AHCTF1: variants seen among roughly 807,000 people sequenced by gnomAD.
AHCTF1 encodes the protein AT-hook containing transcription factor 1.
AHCTF1 carries 24 observed loss-of-function variants against 248.4 expected under a neutral mutation model. The observed-to-expected ratio is 0.10, with a 90% confidence interval of 0.07 to 0.14. The LOEUF (loss-of-function observed/expected upper bound fraction) is 0.14, where lower values mean the gene tolerates loss of function less well. Among genes scored for constraint, AHCTF1 ranks in the 10% least tolerant of loss-of-function variants. The probability of loss-of-function intolerance (pLI) is 1.00; values close to 1 mark genes in which losing one functional copy is unlikely to be tolerated. For synonymous variants in AHCTF1, 786 were observed against 929.8 expected, an observed-to-expected ratio of 0.85 and a Z score of 2.81; for missense variants, 2,206 against 2,636.2, an observed-to-expected ratio of 0.84 and a Z score of 3.57.
intron 34 of AHCTF1, 62 bp downstream of exon 34, chr1:246,843,733 A>G: frequency 9.8e-7 from 1 of 1,025,336 alleles, no homozygotes; most frequent in South Asian, 3.4e-5. Context: ...TTTTATTAAA[A>G]CATTTGTAAA....
At position 246,876,116 on chromosome 1, in the gene AHCTF1, G is replaced by T. The variant is rs1348103003; in HGVS notation, c.3009C>A (p.Ile1003=). ...RNSILDQYGK[I]LPRVHRKLAI... The stretch of plus-strand genomic sequence containing the variant: ...CTAATTTTCGATGGACTCTAGGAAG[G>T]ATTTTTCCATACTGGTCTAATATAG... The change falls in exon 24 of 36, where the codon ATC becomes ATA. Residue 1003 remains isoleucine (I), a synonymous_variant. Coordinates refer to ENST00000648844, the MANE Select transcript of AHCTF1 (RefSeq NM_001323342.2). 3 of 1,609,384 alleles carry T rather than the reference G, an allele frequency of 1.9e-6. No homozygotes were observed. Among genetic ancestry groups the T allele is most frequent in the Non-Finnish European group, 2.5e-6 (3 of 1,178,356 alleles).
At chr1:246,860,755 C>T (rs1292013888) in intron 29 of AHCTF1, 144 bp downstream of exon 29, 8 of 1,108,710 alleles carry the variant, frequency 7.2e-6, no homozygotes, top group Non-Finnish European at 8.9e-6. Context: ...ATCCTCCAGC[C>T]TCAGCCTCCC....
At chr1:246,859,176 G>A (rs567222853) in intron 29 of AHCTF1, among the ~76,000 whole-genome samples, 43 of 152,154 alleles carry the variant, frequency 2.8e-4, no homozygotes, top group Non-Finnish European at 4.7e-4. Flanking sequence ...TAAAGATATC[G>A]TAGTCCAAAC....
chr1:246,905,644 A>G lies in AHCTF1; in HGVS notation c.778T>C (p.Leu260=), dbSNP rs1665334805. The G allele has an allele frequency of 3.1e-6, 5 of 1,608,172 alleles. No homozygotes were observed. In the East Asian group the frequency reaches 6.7e-5, roughly 22 times the overall value. The stretch of plus-strand genomic sequence containing the variant: ...TATACAGGAACTTGTCCACTTTCCA[A>G]TTGTATGTAATATCTGAAACAAATT... ...KSMKREYYIQ[L]ESGQVPVYAV... is the part of the protein sequence containing the mutation. Residue 260 remains leucine, a synonymous_variant, in exon 6 of 36, where the codon TTG becomes CTG. Transcript: ENST00000648844.
At chr1:246,863,598 C>A (rs148581930) in intron 27 of AHCTF1, among the ~76,000 whole-genome samples, 1 of 152,146 alleles carries the variant, frequency 6.6e-6, no homozygotes, top group African/African-American at 2.4e-5. Context: ...GAAGAAATAA[C>A]AGCATAATGA....
In AHCTF1 at chr1:246,913,577, C is replaced by T. The variant is rs556522084; in HGVS notation, c.376-165G>A. Among the ~76,000 whole-genome samples, 10 of 152,284 alleles carry T rather than the reference C, an allele frequency of 6.6e-5. No individual in the cohort carries two copies. In the South Asian group the frequency reaches 1.9e-3, roughly 28 times the overall value. On this transcript the variant is annotated intron_variant, in intron 3 of 35. Transcript: ENST00000648844. ...CTGAATAATGAAATCTTCAGCTATA[C>T]TAGGAATTACACCATTACTCAATAC...
rs147355371 is a variant in AHCTF1 at position 246,877,181 on chromosome 1, A to G, written c.2782T>C (p.Leu928=). 533 of 1,612,888 alleles carry G rather than the reference A, an allele frequency of 3.3e-4. 3 individuals are homozygous for G. The East Asian group carries it at 0.011, about 32-fold the overall frequency. The change falls in exon 22 of 36, where the codon TTA becomes CTA. Residue 928 remains leucine, a synonymous_variant. Transcript: ENST00000648844. ...ACCTGCTCAGTGTCTGTAAATGGTA[A>G]CTTCAGTAAATCTTCCATCAAGCCC... ...EMGLMEDLLK[L]PFTDTEQECL...
intron 1 of AHCTF1, among the ~76,000 whole-genome samples, chr1:246,924,588 C>G (rs540435586): frequency 6.6e-6 from 1 of 152,158 alleles, no homozygotes; most frequent in East Asian, 1.9e-4. Flanking sequence ...CATTCTTATT[C>G]TCTCCACATC....
rs1661513683 is a variant in AHCTF1, at chr1:246,861,132, T to C, written c.3899A>G (p.Lys1300Arg). Residue 1300 changes from lysine to arginine, a missense_variant, in exon 29 of 36, where the codon AAA (lysine) becomes AGA (arginine). Lys to Arg is a conservative substitution (Grantham distance 26). This residue lies in a region of AHCTF1 where 955 missense variants were observed against 1,055.6 expected (regional missense o/e 0.90). Coordinates refer to ENST00000648844, the MANE Select transcript of AHCTF1 (RefSeq NM_001323342.2). ...GCTGTTTCCTTTGCTCACATCCAGT[T>C]TCTCTAAACTTTGTGACCCCTCATC... ...EMDEGSQSLE[K>R]LDVSKGNSSV... The C allele has an allele frequency of 6.2e-7, 1 of 1,613,956 alleles. No homozygotes were observed. The highest frequency in any genetic ancestry group is 8.5e-7 in the Non-Finnish European group (1 of 1,180,038).
At chr1:246,881,056 C>T (rs535774762) in intron 21 of AHCTF1, among the ~76,000 whole-genome samples, 75 of 152,208 alleles carry the variant, frequency 4.9e-4, no homozygotes, top group African/African-American at 1.6e-3. Context: ...ATGAAATGCA[C>T]GGTGGAGACC....
intron 33 of AHCTF1, among the ~76,000 whole-genome samples, chr1:246,848,414 G>C (rs1001325873): frequency 9.9e-5 from 15 of 151,588 alleles, no homozygotes; most frequent in Non-Finnish European, 8.8e-5. Flanking sequence ...TGTTAGCCAG[G>C]ATGGTCTCGA....
intron 29 of AHCTF1, among the ~76,000 whole-genome samples, chr1:246,860,193 G>C (rs943576834): frequency 1.9e-4 from 29 of 151,966 alleles, no homozygotes; most frequent in East Asian, 7.8e-4. Flanking sequence ...CTGGTTGGGG[G>C]GGGGGCGGAG....
rs1413384409 is a variant in AHCTF1, at chr1:246,889,379, CTATTT to C, written c.2144+582_2144+586del. 2.6e-5 allele frequency among the ~76,000 whole-genome samples: 4 copies of C among 152,290 alleles called. No homozygotes were observed. In the South Asian group the frequency reaches 8.3e-4, roughly 32 times the overall value. On this transcript the variant is annotated intron_variant, in intron 17 of 35. Coordinates refer to ENST00000648844, the MANE Select transcript of AHCTF1 (RefSeq NM_001323342.2). ...CACTGCACTAGATGTCCTGCACATACTATTTTATTTAGCTTTATACTGACTTTATA... is the reference window on the plus strand; with the variant it reads ...CACTGCACTAGATGTCCTGCACATACTATTTAGCTTTATACTGACTTTATA...
chr1:246,867,891 A>ACAC (rs1385275742), intron 24 of AHCTF1, 80 bp from the exon 25 acceptor site: 2 of 332,064 alleles, frequency 6.0e-6, no homozygotes, highest in African/African-American at 1.5e-4. Context: ...GAATGATTAC[A>ACAC]CCCCCCCCCC....
In AHCTF1 at chr1:246,851,330, G is replaced by T. The variant is rs186771516; in HGVS notation, c.4676C>A (p.Thr1559Asn). 6.2e-7 allele frequency: 1 copy of T among 1,614,094 alleles called. No homozygotes were observed. The highest frequency in any genetic ancestry group is 1.7e-5 in the Admixed American group (1 of 60,028). The change falls in exon 33 of 36, where the codon ACT (threonine) becomes AAT (asparagine). Residue 1559 changes from threonine to asparagine, a missense_variant. By Grantham distance (65) the Thr-to-Asn change is moderately conservative (BLOSUM62 0). Transcript: ENST00000648844. Reference protein sequence around the residue: ...GTLKLQYNFDTIDQQFCDLAD... With the variant: ...GTLKLQYNFDNIDQQFCDLAD... ...TAAGTCACAAAACTGTTGGTCAATAGTATCAAAATTGTACTGAAGCTTAAG... is the reference window on the plus strand; with the variant it reads ...TAAGTCACAAAACTGTTGGTCAATATTATCAAAATTGTACTGAAGCTTAAG...
chr1:246,895,102 TTACA>T (rs1664481120), intron 13 of AHCTF1, among the ~76,000 whole-genome samples: 1 of 151,950 alleles, frequency 6.6e-6, no homozygotes, highest in African/African-American at 2.4e-5. Context: ...ATAAAAACAA[TTACA>T]TACAAACTAT....
At chr1:246,893,331 G>A (rs1664349158) in intron 14 of AHCTF1, among the ~76,000 whole-genome samples, 1 of 152,112 alleles carries the variant, frequency 6.6e-6, no homozygotes, top group African/African-American at 2.4e-5. Flanking sequence ...TCTTCCTAAC[G>A]AACTTGATTG....
intron 7 of AHCTF1, among the ~76,000 whole-genome samples, chr1:246,903,665 C>G (rs1018074712): frequency 9.3e-5 from 13 of 139,274 alleles, no homozygotes; most frequent in African/African-American, 2.7e-4. Flanking sequence ...CCCCCCCCTC[C>G]GTCTCTGCTA....
chr1:246,843,281 T>C (rs1045243185), intron 34 of AHCTF1, among the ~76,000 whole-genome samples: 1 of 152,226 alleles, frequency 6.6e-6, no homozygotes, highest in African/African-American at 2.4e-5. Context: ...TTTGAAGTAA[T>C]TGTTTTCATC....
Sources: allele counts gnomAD v4.1 joint callset (sites outside exome capture counted in the v4.1 genomes callset), GRCh38; gene constraint gnomAD v4.1.1; regional missense constraint gnomAD v4.1.1; transcripts MANE v1.5; gene names NCBI Gene and HGNC (gene_info 2026-07-23, HGNC 2026-07-21).